The following GABRA5 variants were observed in gnomAD, a reference collection of about 807,000 sequenced individuals.
GABRA5 encodes gamma-aminobutyric acid receptor subunit alpha-5.
A neutral mutation model predicts 47.3 loss-of-function variants in GABRA5; 18 were observed. That is an observed-to-expected ratio of 0.38 (90% CI 0.26 to 0.56). The LOEUF (loss-of-function observed/expected upper bound fraction) is 0.56. Among genes scored for constraint, GABRA5 ranks in the 20% least tolerant of loss-of-function variants. The pLI, the probability that GABRA5 is intolerant of heterozygous loss-of-function variation, is 0.71. For synonymous variants in GABRA5, 237 were observed against 229.3 expected (o/e 1.03, Z -0.30); for missense variants, 365 against 599.3 (o/e 0.61, Z 4.08).
chr15:26,928,237 T>A (rs1281255580), intron 7 of GABRA5, among the ~76,000 whole-genome samples: 1 of 152,138 alleles, frequency 6.6e-6, no homozygotes, highest in Non-Finnish European at 1.5e-5. Flanking sequence ...TACTATTCCA[T>A]TCAGACACAT....
chr15:26,934,175 C>T (rs1434441610), intron 7 of GABRA5, among the ~76,000 whole-genome samples: 1 of 151,128 alleles, frequency 6.6e-6, no homozygotes. Context: ...TCGCTTGAAC[C>T]CGGGAAACAG....
At position 26,939,288 on chromosome 15, in the gene GABRA5, C is replaced by T. The variant is rs12910925; in HGVS notation, c.725-637C>T. On this transcript the variant is annotated intron_variant, in intron 8 of 10. Coordinates refer to ENST00000335625, the MANE Select transcript of GABRA5 (RefSeq NM_000810.4). Reference sequence around the variant, plus strand: ...CTCAGCAATGAATGGGAGGTCTCCTCGTGCCTCCCACACAGCCAGGCAAAT... The same window carrying T: ...CTCAGCAATGAATGGGAGGTCTCCTTGTGCCTCCCACACAGCCAGGCAAAT... The T allele has an allele frequency of 0.42, 323,958 of 765,032 alleles. 72,159 individuals are homozygous for T. The highest frequency in any genetic ancestry group is 0.55 in the Middle Eastern group (2,456 of 4,438). 47.4% of individuals were successfully genotyped at this position (765,032 alleles called of 1,614,324 possible).
chr15:26,876,432 A>G (rs895376859), intron 3 of GABRA5, among the ~76,000 whole-genome samples: 2 of 152,206 alleles, frequency 1.3e-5, no homozygotes, highest in Admixed American at 1.3e-4. Flanking sequence ...GAGAGGCAGC[A>G]GGACTGAGGG....
chr15:26,925,464 C>A (rs922640230), intron 7 of GABRA5, among the ~76,000 whole-genome samples: 2 of 152,116 alleles, frequency 1.3e-5, no homozygotes, highest in Non-Finnish European at 2.9e-5. Flanking sequence ...TCAAGTTTAG[C>A]ATTTGTATTG....
At chr15:26,890,257 C>T (rs1225932226) in intron 6 of GABRA5, among the ~76,000 whole-genome samples, 1 of 152,076 alleles carries the variant, frequency 6.6e-6, no homozygotes, top group Non-Finnish European at 1.5e-5. Context: ...GTACCAGTTT[C>T]ACTTCCATCA....
chr15:26,920,439 C>T lies in GABRA5; in HGVS notation c.580+5554C>T, dbSNP rs373822265. Among the ~76,000 whole-genome samples, 42 of 151,736 alleles carry T rather than the reference C, an allele frequency of 2.8e-4. No individual in the cohort carries two copies. The East Asian group carries it at 3.9e-3, about 14-fold the overall frequency. On this transcript the variant is annotated intron_variant, in intron 7 of 10. Coordinates refer to ENST00000335625, the MANE Select transcript of GABRA5 (RefSeq NM_000810.4). ...GTTCTGTTATTGTATTCTTTAACTC[C>T]GTGATTTCTTTCTGGTAATTTAAAA...
intron 6 of GABRA5, among the ~76,000 whole-genome samples, chr15:26,890,682 C>G (rs1410157784): frequency 6.6e-6 from 1 of 152,180 alleles, no homozygotes; most frequent in East Asian, 1.9e-4. Flanking sequence ...AGCTGAAGTT[C>G]TGTGTTCCCC....
chr15:26,928,564 G>T (rs1894015642), intron 7 of GABRA5, among the ~76,000 whole-genome samples: 1 of 152,074 alleles, frequency 6.6e-6, no homozygotes, highest in African/African-American at 2.4e-5. Flanking sequence ...AGGGTGGGGG[G>T]TCCTCCTGCG....
At position 26,867,933 on chromosome 15, in the gene GABRA5, G is replaced by A. The variant is rs1892360614; in HGVS notation, c.-139-796G>A. ...TTGGCTCGTACCCGGGGCAGGAGCA[G>A]GGGAAGTCTGCGAAAGCCGGGAGCG... On this transcript the variant is annotated intron_variant, in intron 1 of 10. Transcript: ENST00000335625. This position sits in a 1 kb window ranked among gnomAD's most constrained non-coding sequence, Gnocchi z 5.9. 6.6e-6 allele frequency: 1 copy of A among 152,104 alleles called. No individual in the cohort carries two copies. Among genetic ancestry groups the A allele is most frequent in the Non-Finnish European group, 1.5e-5 (1 of 68,034 alleles). The allele number at this position is 152,104 out of a possible 1,614,324, so 9.4% of individuals were successfully genotyped here. A position where few individuals can be genotyped will look rare whatever the true frequency, so the allele number is the denominator to read the frequency against.
intron 6 of GABRA5, among the ~76,000 whole-genome samples, chr15:26,885,553 A>G (rs1437550620): frequency 3.3e-5 from 5 of 152,192 alleles, no homozygotes; most frequent in African/African-American, 9.7e-5. Flanking sequence ...CCTAGAGCAC[A>G]CAACTTGGCA....
chr15:26,940,866 C>T (rs1360024818), intron 9 of GABRA5, among the ~76,000 whole-genome samples: 2 of 152,164 alleles, frequency 1.3e-5, no homozygotes, highest in African/African-American at 4.8e-5. Flanking sequence ...TACCTCGAAG[C>T]TCAGCTTCCT....
intron 4 of GABRA5, among the ~76,000 whole-genome samples, chr15:26,882,789 C>T (rs1012051860): frequency 2.6e-5 from 4 of 152,060 alleles, no homozygotes; most frequent in Non-Finnish European, 4.4e-5. Flanking sequence ...CTCTCTGTGG[C>T]GACGGCGTGG....
chr15:26,945,722 C>A (rs149685986), intron 10 of GABRA5, among the ~76,000 whole-genome samples: 1,717 of 152,312 alleles, frequency 0.011, 19 homozygotes, highest in Non-Finnish European at 0.017. Flanking sequence ...CTGGGGAGCA[C>A]GTCCTTCTGG....
At chr15:26,890,041 CT>C (rs1157319590) in intron 6 of GABRA5, among the ~76,000 whole-genome samples, 2 of 152,144 alleles carry the variant, frequency 1.3e-5, no homozygotes, top group African/African-American at 4.8e-5. Flanking sequence ...TGTTTTGAAA[CT>C]TTGTGATATA....
chr15:26,947,211 T>C (rs1019268171), intron 10 of GABRA5, among the ~76,000 whole-genome samples: 2 of 152,194 alleles, frequency 1.3e-5, no homozygotes, highest in African/African-American at 4.8e-5. Context: ...TGCCAGACTT[T>C]ATTTTTTTTC....
chr15:26,889,060 C>T (rs145422699), intron 6 of GABRA5, among the ~76,000 whole-genome samples: 100 of 152,322 alleles, frequency 6.6e-4, no homozygotes, highest in African/African-American at 2.2e-3. Flanking sequence ...GTAGTAGATA[C>T]GCTGCACCAA....
intron 4 of GABRA5, among the ~76,000 whole-genome samples, chr15:26,881,181 T>C (rs1315915232): frequency 6.6e-6 from 1 of 152,178 alleles, no homozygotes; most frequent in Non-Finnish European, 1.5e-5. Context: ...GCAAGATCCT[T>C]TGTTATTTCT....
chr15:26,945,014 C>G (rs918728999), intron 10 of GABRA5, among the ~76,000 whole-genome samples: 2 of 152,206 alleles, frequency 1.3e-5, no homozygotes, highest in Non-Finnish European at 2.9e-5. Flanking sequence ...ATCTAATCAC[C>G]ATAGATCTGA....
chr15:26,876,787 G>C (rs1440509959), intron 3 of GABRA5, among the ~76,000 whole-genome samples: 2 of 152,196 alleles, frequency 1.3e-5, no homozygotes, highest in Admixed American at 6.5e-5. Flanking sequence ...GGTGGTATTA[G>C]AGCGGATGTG....
Sources: gnomAD v4.1 joint callset for allele counts (sites outside exome capture counted in the v4.1 genomes callset) on GRCh38, gnomAD v4.1.1 for gene constraint, Gnocchi (gnomAD v3.1) non-coding constraint, MANE v1.5 for transcripts, NCBI Gene and HGNC (gene_info 2026-07-23, HGNC 2026-07-21) for gene names.